Variants in COL23A1 observed in about 807,000 individuals in gnomAD.
COL23A1 encodes collagen alpha-1(XXIII) chain.
A neutral mutation model predicts 99.3 loss-of-function variants in COL23A1; 97 were observed. That is an observed-to-expected ratio of 0.98 (90% CI 0.83 to 1.16). COL23A1 has a LOEUF of 1.16. COL23A1 is among the 50% of genes most tolerant of loss of function. COL23A1 has a pLI of 0.00. For synonymous variants in COL23A1, 320 were observed against 308.2 expected, an observed-to-expected ratio of 1.04 and a Z score of -0.40; for missense variants, 762 against 757.4, an observed-to-expected ratio of 1.01 and a Z score of -0.07.
chr5:178,364,275 G>GC (rs982042865), intron 2 of COL23A1, among the ~76,000 whole-genome samples: 2 of 151,682 alleles, frequency 1.3e-5, no homozygotes, highest in East Asian at 2.0e-4. Flanking sequence ...GAACTGCCTG[G>GC]CCCCCGCCCC....
intron 10 of COL23A1, 79 bp downstream of exon 10, chr5:178,262,138 C>T (rs1337586913): frequency 1.4e-5 from 20 of 1,429,830 alleles, no homozygotes; most frequent in Middle Eastern, 2.2e-4. Context: ...CTGCTGTCGG[C>T]GTGTGTGGGA....
Position 178,590,111 on chromosome 5 carries a change from C to T in COL23A1, c.87G>A (p.Thr29=), listed in dbSNP as rs544910700. 4.0e-6 allele frequency: 5 copies of T among 1,252,470 alleles called. No individual in the cohort carries two copies. The highest frequency in any genetic ancestry group is 2.9e-5 in the South Asian group (1 of 34,922). The allele number at this position is 1,252,470 out of a possible 1,614,324, so 77.6% of individuals were successfully genotyped here. The change falls in exon 1 of 29, where the codon ACG becomes ACA. Residue 29 remains threonine, a synonymous_variant. Coordinates refer to ENST00000390654, the MANE Select transcript of COL23A1 (RefSeq NM_173465.4). The surrounding 1 kb of genome is among the most constrained non-coding windows in gnomAD (Gnocchi z 5.7). Reference sequence around the variant, plus strand: ...CGCTCACCGCCCGGGACCCGGCCGTCGTCGCCGAGCGCCCTCCGCCGCCGC... The same window carrying T: ...CGCTCACCGCCCGGGACCCGGCCGTTGTCGCCGAGCGCCCTCCGCCGCCGC... ...AGGGGGGRSA[T]TAGSRAVSAL...
intron 2 of COL23A1, among the ~76,000 whole-genome samples, chr5:178,501,480 C>T (rs1758529973): frequency 6.6e-6 from 1 of 151,834 alleles, no homozygotes; most frequent in Admixed American, 6.6e-5. Context: ...ACTCGGGAGG[C>T]TGAGGCAGAA....
intron 1 of COL23A1, chr5:178,562,142 T>C: frequency 2.0e-6 from 1 of 508,056 alleles, no homozygotes. Context: ...CTTGGGAGAC[T>C]GAGGCTGGAG....
intron 1 of COL23A1, among the ~76,000 whole-genome samples, chr5:178,572,072 C>CAAAAAA (rs57863132): frequency 1.8e-5 from 2 of 109,496 alleles, no homozygotes; most frequent in African/African-American, 3.9e-5. Flanking sequence ...TTTCTCAAAA[C>CAAAAAA]AAAAAAAAAA....
At chr5:178,478,637 G>C (rs555015208) in intron 2 of COL23A1, among the ~76,000 whole-genome samples, 31 of 152,260 alleles carry the variant, frequency 2.0e-4, no homozygotes, top group African/African-American at 7.5e-4. Flanking sequence ...CTCCCTTCCT[G>C]TGTCCACAGA....
intron 2 of COL23A1, among the ~76,000 whole-genome samples, chr5:178,455,680 C>T (rs956381741): frequency 2.0e-5 from 3 of 152,146 alleles, no homozygotes; most frequent in African/African-American, 7.2e-5. Flanking sequence ...CTCTGCCACG[C>T]GGACGGACCG....
At chr5:178,386,708 G>A (rs1479059017) in intron 2 of COL23A1, among the ~76,000 whole-genome samples, 2 of 152,128 alleles carry the variant, frequency 1.3e-5, no homozygotes, top group African/African-American at 2.4e-5. Context: ...AAGGGTCCCC[G>A]CCGCCTACCC....
intron 2 of COL23A1, among the ~76,000 whole-genome samples, chr5:178,402,117 C>A (rs1447611039): frequency 6.6e-6 from 1 of 152,132 alleles, no homozygotes; most frequent in African/African-American, 2.4e-5. Context: ...CGCCCAGCTG[C>A]CTTTGTCTTT....
chr5:178,492,910 C>G (rs952820343), intron 2 of COL23A1, among the ~76,000 whole-genome samples: 1 of 152,096 alleles, frequency 6.6e-6, no homozygotes, highest in African/African-American at 2.4e-5. Context: ...CCGTGAAATG[C>G]GGGTAATGAC....
intron 2 of COL23A1, among the ~76,000 whole-genome samples, chr5:178,482,022 T>TA (rs35849475): frequency 0.4 from 57,090 of 144,234 alleles, 11,898 homozygotes; most frequent in Admixed American, 0.51. Context: ...AAAGTATAAT[T>TA]AAAAAAAAAA....
intron 20 of COL23A1, 101 bp downstream of exon 20, chr5:178,248,091 G>T: frequency 1.2e-6 from 1 of 859,936 alleles, no homozygotes; most frequent in Non-Finnish European, 1.9e-6. Context: ...ACTGCCCTGG[G>T]TTTGCTCAGG....
At chr5:178,499,903 C>A (rs1420841790) in intron 2 of COL23A1, among the ~76,000 whole-genome samples, 1 of 152,202 alleles carries the variant, frequency 6.6e-6, no homozygotes, top group Non-Finnish European at 1.5e-5. Context: ...AAATGCTACA[C>A]CATGGGTGAA....
intron 1 of COL23A1, among the ~76,000 whole-genome samples, chr5:178,577,277 G>A (rs950422745): frequency 1.6e-4 from 25 of 152,182 alleles, no homozygotes; most frequent in Admixed American, 1.1e-3. Flanking sequence ...TGGTCCCAGC[G>A]TGCTGGCCGC....
chr5:178,555,393 T>C (rs1203935071), intron 2 of COL23A1, among the ~76,000 whole-genome samples: 1 of 152,156 alleles, frequency 6.6e-6, no homozygotes, highest in Non-Finnish European at 1.5e-5. Context: ...CTGGGGTTGC[T>C]GAGCACATGT....
In COL23A1 at chr5:178,256,378, C is replaced by A; in HGVS notation, c.857G>T (p.Gly286Val). The change falls in exon 15 of 29, where the codon GGC becomes GTC. Residue 286 changes from glycine to valine, a missense_variant. Gly to Val is a moderately radical substitution (Grantham distance 109, BLOSUM62 -3). Transcript: ENST00000390654. ...CCGGGGCCCTGCAGCTCCATCCGTG[C>A]CTCGGTGGCCAGGCTCCCCCTGTGG... ...PGPKGEPGHR[G>V]TDGAAGPRGA... 6.2e-7 allele frequency: 1 copy of A among 1,607,158 alleles called. No homozygotes were observed. The highest frequency in any genetic ancestry group is 8.5e-7 in the Non-Finnish European group (1 of 1,176,328).
At chr5:178,462,914 G>A (rs1364286835) in intron 2 of COL23A1, among the ~76,000 whole-genome samples, 9 of 152,318 alleles carry the variant, frequency 5.9e-5, no homozygotes, top group African/African-American at 1.4e-4. Flanking sequence ...AGATGACTGC[G>A]GAACGAGGAG....
At chr5:178,383,392 C>T (rs972757125) in intron 2 of COL23A1, among the ~76,000 whole-genome samples, 1 of 152,248 alleles carries the variant, frequency 6.6e-6, no homozygotes, top group Non-Finnish European at 1.5e-5. Context: ...CAGGACAAGT[C>T]CCCTTAAGGG....
chr5:178,474,616 A>T (rs986471579), intron 2 of COL23A1, among the ~76,000 whole-genome samples: 3 of 152,166 alleles, frequency 2.0e-5, no homozygotes, highest in Admixed American at 6.5e-5. Flanking sequence ...CATACAGAGG[A>T]CTTATCTTTG....
Sources: allele counts gnomAD v4.1 joint callset (sites outside exome capture counted in the v4.1 genomes callset), GRCh38; gene constraint gnomAD v4.1.1; non-coding constraint Gnocchi (gnomAD v3.1); transcripts MANE v1.5; gene names NCBI Gene and HGNC (gene_info 2026-07-23, HGNC 2026-07-21).